Variants in NRG1 observed in about 807,000 individuals in gnomAD.
The protein encoded by NRG1 is pro-neuregulin-1, membrane-bound isoform.
Under a neutral mutation model 63.8 loss-of-function variants are expected in NRG1, and 18 were observed. The ratio of observed to expected loss-of-function variants is 0.28; its 90% CI spans 0.19 to 0.42. NRG1 has a LOEUF of 0.42. NRG1 is among the 10% of genes least tolerant of loss of function. NRG1 has a pLI of 1.00. For synonymous variants in NRG1, 302 were observed against 301.3 expected, an observed-to-expected ratio of 1.00 and a Z score of -0.02; for missense variants, 762 against 814.7, an observed-to-expected ratio of 0.94 and a Z score of 0.79.
chr8:31,804,158 A>G (rs1822056035), intron 1 of NRG1, among the ~76,000 whole-genome samples: 1 of 152,246 alleles, frequency 6.6e-6, no homozygotes, highest in East Asian at 1.9e-4. Flanking sequence ...ATCTCGAGTA[A>G]CCACCAGCAA....
intron 1 of NRG1, among the ~76,000 whole-genome samples, chr8:32,477,099 G>A (rs1355157754): frequency 1.3e-5 from 2 of 152,200 alleles, no homozygotes; most frequent in Non-Finnish European, 2.9e-5. Context: ...TATGGAAGCA[G>A]AAAGCCAATT....
intron 1 of NRG1, among the ~76,000 whole-genome samples, chr8:32,234,223 C>A (rs1847300293): frequency 6.6e-6 from 1 of 152,126 alleles, no homozygotes; most frequent in African/African-American, 2.4e-5. Context: ...CATTTACACT[C>A]TAATCACAGG....
chr8:32,660,943 G>A (rs1802697483), intron 5 of NRG1, among the ~76,000 whole-genome samples: 1 of 152,182 alleles, frequency 6.6e-6, no homozygotes, highest in Non-Finnish European at 1.5e-5. Flanking sequence ...AATTCCAAGG[G>A]ACCTATTGAC....
In NRG1 at chr8:32,054,858, TCTTTC is replaced by T. The variant is rs1433835272; in HGVS notation, c.37+415428_37+415432del. On this transcript the variant is annotated intron_variant, in intron 1 of 10. Coordinates refer to the NRG1 transcript ENST00000519301. Reference sequence around the variant, plus strand: ...ATTTCCCTTGAAAAGCAGATTTCTTTCTTTCTTTTTTTTTTTTTTTTTTTTTTTTT... The same window carrying T: ...ATTTCCCTTGAAAAGCAGATTTCTTTTTTTTTTTTTTTTTTTTTTTTTTTT... Among the ~76,000 whole-genome samples the T allele has an allele frequency of 2.7e-3, 241 of 89,254 alleles. 4 individuals are homozygous for T. The highest frequency in any genetic ancestry group is 9.6e-3 in the African/African-American group (211 of 21,980). 58.6% of individuals were successfully genotyped at this position (89,254 alleles called of 152,430 possible).
At chr8:31,991,965 AG>A (rs1280772348) in intron 1 of NRG1, among the ~76,000 whole-genome samples, 4 of 152,024 alleles carry the variant, frequency 2.6e-5, no homozygotes, top group Admixed American at 1.3e-4. Flanking sequence ...TAAAATTTAA[AG>A]TTTATGACAC....
chr8:32,265,786 T>C (rs968195233), intron 1 of NRG1, among the ~76,000 whole-genome samples: 3 of 152,088 alleles, frequency 2.0e-5, no homozygotes, highest in African/African-American at 7.2e-5. Flanking sequence ...GAGGCTATAG[T>C]GAGCCATGAT....
intron 1 of NRG1, among the ~76,000 whole-genome samples, chr8:32,356,315 A>T (rs1806381980): frequency 6.6e-6 from 1 of 152,218 alleles, no homozygotes; most frequent in Non-Finnish European, 1.5e-5. Context: ...TGTGTAGTCA[A>T]CATTATGATC....
At chr8:32,305,379 A>G (rs1378665774) in intron 1 of NRG1, among the ~76,000 whole-genome samples, 2 of 152,180 alleles carry the variant, frequency 1.3e-5, no homozygotes, top group African/African-American at 4.8e-5. Context: ...TTATAGGTAT[A>G]CGAATATAAT....
intron 6 of NRG1, among the ~76,000 whole-genome samples, chr8:32,732,089 A>G (rs558016466): frequency 2.6e-5 from 4 of 152,334 alleles, no homozygotes; most frequent in Admixed American, 2.6e-4. Context: ...TTCTCTGAGG[A>G]GAGGTTTCCG....
chr8:32,244,137 ATGT>A (rs1848393882), intron 1 of NRG1, among the ~76,000 whole-genome samples: 1 of 152,136 alleles, frequency 6.6e-6, no homozygotes, highest in South Asian at 2.1e-4. Context: ...TTCAGCAGAC[ATGT>A]TGTTTTTTTC....
Position 32,503,235 on chromosome 8 carries a change from C to G in NRG1, c.38-92593C>G, listed in dbSNP as rs147940932. 6.0e-5 allele frequency among the ~76,000 whole-genome samples: 8 copies of G among 134,236 alleles called. No individual in the cohort carries two copies. In the East Asian group the frequency reaches 1.2e-3, roughly 20 times the overall value. The allele number at this position is 134,236 out of a possible 152,430, so 88.1% of individuals were successfully genotyped here. A position where few individuals can be genotyped will look rare whatever the true frequency, so the allele number is the denominator to read the frequency against. Reference sequence around the variant, plus strand: ...CAGGGAGGCGGAGCTTGCAGTAAGCCGAGATGGTGCCACTGCACTCCAGCC... The same window carrying G: ...CAGGGAGGCGGAGCTTGCAGTAAGCGGAGATGGTGCCACTGCACTCCAGCC... On this transcript the variant is annotated intron_variant, in intron 1 of 10. Transcript: ENST00000519301.
chr8:31,947,144 C>CA (rs1401102936), intron 1 of NRG1, among the ~76,000 whole-genome samples: 1 of 150,806 alleles, frequency 6.6e-6, no homozygotes, highest in Non-Finnish European at 1.5e-5. Context: ...ACTAAAAATA[C>CA]AAAAAATTAG....
chr8:31,839,516 G>T (rs530316180), intron 1 of NRG1, among the ~76,000 whole-genome samples: 5 of 152,116 alleles, frequency 3.3e-5, no homozygotes, highest in Non-Finnish European at 7.4e-5. Context: ...GAGTCTAGCC[G>T]TATAAAGTTA....
rs180724751 is a variant in NRG1, at chr8:32,424,596, C to T, written c.38-171232C>T. Among the ~76,000 whole-genome samples the T allele has an allele frequency of 4.2e-4, 64 of 152,240 alleles. 1 individual carries two copies. The highest frequency in any genetic ancestry group is 2.4e-3 in the Admixed American group (36 of 15,284). On this transcript the variant is annotated intron_variant, in intron 1 of 10. Coordinates refer to the NRG1 transcript ENST00000519301. Reference sequence around the variant, plus strand: ...GAATCTTGGGCAATTCTAGGCTGGACGTGGTGGCTCACACCCATAATCCCA... The same window carrying T: ...GAATCTTGGGCAATTCTAGGCTGGATGTGGTGGCTCACACCCATAATCCCA...
At chr8:32,314,190 G>GGA (rs5890635) in intron 1 of NRG1, among the ~76,000 whole-genome samples, 4 of 150,082 alleles carry the variant, frequency 2.7e-5, no homozygotes, top group Non-Finnish European at 5.9e-5. Context: ...CTGTTAAGTG[G>GGA]AAAAAAAAAA....
intron 1 of NRG1, among the ~76,000 whole-genome samples, chr8:32,540,455 T>C (rs2129520746): frequency 6.6e-6 from 1 of 152,210 alleles, no homozygotes; most frequent in Admixed American, 6.5e-5. Flanking sequence ...ACAACAAAAA[T>C]AAAAATGTCA....
At chr8:32,372,605 A>C (rs1809051385) in intron 1 of NRG1, among the ~76,000 whole-genome samples, 1 of 152,186 alleles carries the variant, frequency 6.6e-6, no homozygotes, top group African/African-American at 2.4e-5. Context: ...TGATGAAGGC[A>C]ATGGACACAA....
At chr8:32,104,050 G>A (rs767143026) in intron 1 of NRG1, among the ~76,000 whole-genome samples, 6 of 152,154 alleles carry the variant, frequency 3.9e-5, no homozygotes, top group Non-Finnish European at 7.3e-5. Flanking sequence ...GGTGCTTAAC[G>A]ACAGGGATAC....
At chr8:32,482,987 C>T (rs1356560025) in intron 1 of NRG1, among the ~76,000 whole-genome samples, 4 of 152,198 alleles carry the variant, frequency 2.6e-5, no homozygotes, top group South Asian at 2.1e-4. Flanking sequence ...GGGGACAGGG[C>T]GTTAGACAGC....
Sources: gnomAD v4.1 joint callset for allele counts (sites outside exome capture counted in the v4.1 genomes callset) on GRCh38, gnomAD v4.1.1 for gene constraint, MANE v1.5 for transcripts, NCBI Gene and HGNC (gene_info 2026-07-23, HGNC 2026-07-21) for gene names.